Variants in ZFP64 observed in about 807,000 individuals in gnomAD.
ZFP64 encodes ZFP64 zinc finger protein.
ZFP64 carries 14 observed loss-of-function variants against 51.6 expected under a neutral mutation model. That is an observed-to-expected ratio of 0.27 (90% confidence interval 0.18 to 0.42). ZFP64 has a LOEUF of 0.42. Ranked by LOEUF, ZFP64 falls within the 10% of genes least tolerant of loss-of-function variation. The probability of loss-of-function intolerance (pLI) is 1.00; values close to 1 mark genes in which losing one functional copy is unlikely to be tolerated. For missense variants in ZFP64, 754 were observed against 906.8 expected, an observed-to-expected ratio of 0.83 and a Z score of 2.16; for synonymous variants, 375 against 361.4, an observed-to-expected ratio of 1.04 and a Z score of -0.43.
At chr20:52,104,275 G>A (rs926410769) in intron 5 of ZFP64, among the ~76,000 whole-genome samples, 3 of 152,210 alleles carry the variant, frequency 2.0e-5, no homozygotes, top group Non-Finnish European at 2.9e-5. Context: ...CTTGCAGGAA[G>A]AATTTGGCGA....
At chr20:52,150,581 T>C (rs1980744655), downstream of ZFP64, among the ~76,000 whole-genome samples, 1 of 152,236 alleles carries the variant, frequency 6.6e-6, no homozygotes, top group African/African-American at 2.4e-5. Context: ...ACTATTATCA[T>C]TGATGATAGG....
intron 5 of ZFP64, among the ~76,000 whole-genome samples, chr20:52,132,500 T>C (rs1979770209): frequency 6.6e-6 from 1 of 151,478 alleles, no homozygotes; most frequent in South Asian, 2.1e-4. Context: ...TACAAATAAA[T>C]AAAATCGGAA....
intron 5 of ZFP64, among the ~76,000 whole-genome samples, chr20:52,115,790 T>C (rs1415286682): frequency 7.0e-6 from 1 of 143,382 alleles, no homozygotes; most frequent in Non-Finnish European, 1.6e-5. Context: ...AATTTCTCTC[T>C]CTCTCTCTCT....
chr20:52,084,311 T>C (rs2123189673), exon 9 of ZFP64: 7 of 517,358 alleles, frequency 1.4e-5, no homozygotes, highest in Non-Finnish European at 2.4e-5. Context: ...CGCCTTTGAA[T>C]GAACAAGTCG....
intron 5 of ZFP64, chr20:52,105,478 T>C (rs952291118): frequency 9.2e-6 from 6 of 655,526 alleles, no homozygotes; most frequent in South Asian, 8.0e-5. Flanking sequence ...GGGAGCTCGT[T>C]AGAAATGCAG....
chr20:52,152,037 AAAAAC>A lies in ZFP64; in HGVS notation c.*104_*108del. 5 of 1,462,606 alleles carry A rather than the reference AAAAAC, an allele frequency of 3.4e-6. No individual in the cohort carries two copies. Among genetic ancestry groups the A allele is most frequent in the South Asian group, 2.9e-5 (2 of 68,654 alleles). The allele number at this position is 1,462,606 out of a possible 1,614,324, so 90.6% of individuals were successfully genotyped here. A position where few individuals can be genotyped will look rare whatever the true frequency, so the allele number is the denominator to read the frequency against. ...GGGAAACAGAGCGAGACTCCGTCTC[AAAAAC>A]AAAACAAAACAAAGAAAACATTAAG... On this transcript the variant is annotated 3_prime_UTR_variant, in exon 6 of 6. Transcript: ENST00000216923.
intron 5 of ZFP64, chr20:52,104,878 G>A (rs1057191802): frequency 6.0e-6 from 4 of 670,542 alleles, no homozygotes; most frequent in African/African-American, 1.8e-5. Flanking sequence ...GTGTTTGGGA[G>A]GCAAACTCGT....
At chr20:52,106,988 C>T (rs1260088265) in intron 5 of ZFP64, among the ~76,000 whole-genome samples, 1 of 152,194 alleles carries the variant, frequency 6.6e-6, no homozygotes, top group Non-Finnish European at 1.5e-5. Flanking sequence ...ATCCCAGCTC[C>T]TGGGGAAGCT....
intron 2 of ZFP64, among the ~76,000 whole-genome samples, chr20:52,186,113 A>G (rs562421588): frequency 6.6e-6 from 1 of 152,304 alleles, no homozygotes; most frequent in African/African-American, 2.4e-5. Flanking sequence ...TATATTTTTT[A>G]GAATCAAATG....
intron 5 of ZFP64, among the ~76,000 whole-genome samples, chr20:52,111,631 C>T (rs955301222): frequency 2.6e-5 from 4 of 152,050 alleles, no homozygotes; most frequent in Admixed American, 6.6e-5. Context: ...GTAATTCTCG[C>T]AACTCTTAAG....
rs1022620572 is a variant in ZFP64, at chr20:52,162,556, G to A, written c.511+2139C>T. Among the ~76,000 whole-genome samples the A allele has an allele frequency of 5.3e-5, 8 of 151,960 alleles. No individual in the cohort carries two copies. In the South Asian group the frequency reaches 8.3e-4, roughly 16 times the overall value. Reference sequence around the variant, plus strand: ...GCAGGAGAATGATATGAACCCGGGAGGCAGAGCTTGCAGTGAACCAAGATC... The same window carrying A: ...GCAGGAGAATGATATGAACCCGGGAAGCAGAGCTTGCAGTGAACCAAGATC... On this transcript the variant is annotated intron_variant, in intron 4 of 5. Transcript: ENST00000216923.
chr20:52,182,572 G>T (rs1391727501), intron 2 of ZFP64, among the ~76,000 whole-genome samples: 1 of 152,096 alleles, frequency 6.6e-6, no homozygotes, highest in Non-Finnish European at 1.5e-5. Flanking sequence ...TTTAAAAATT[G>T]GCTGGATATG....
chr20:52,141,445 C>A (rs1337874377), intron 5 of ZFP64, among the ~76,000 whole-genome samples: 2 of 152,086 alleles, frequency 1.3e-5, no homozygotes, highest in African/African-American at 4.8e-5. Flanking sequence ...GGGGGGAGGT[C>A]AAAATATCAA....
In ZFP64 at chr20:52,160,965, G is replaced by GGCAGGTGAGTGAGTCGGTGAGC. The variant is rs919390806; in HGVS notation, c.512-613_512-592dup. 6.8e-4 allele frequency among the ~76,000 whole-genome samples: 104 copies of GGCAGGTGAGTGAGTCGGTGAGC among 151,898 alleles called. No homozygotes were observed. Among genetic ancestry groups the GGCAGGTGAGTGAGTCGGTGAGC allele is most frequent in the Non-Finnish European group, 1.4e-3 (92 of 67,964 alleles). On this transcript the variant is annotated intron_variant, in intron 4 of 5. Transcript: ENST00000216923. This position sits in a 1 kb window ranked among gnomAD's most constrained non-coding sequence, Gnocchi z 4.2. ...GCATGGGGATAAGGCAGCAGGTGAG[G>GGCAGGTGAGTGAGTCGGTGAGC]GCAGGTGAGTGAGTCGGTGAGCGCA... is the stretch of plus-strand genomic sequence containing the variant.
At position 52,085,337 on chromosome 20, in the gene ZFP64, G is replaced by A; in HGVS notation, c.1229-71C>T. The A allele has an allele frequency of 1.4e-6, 2 of 1,463,010 alleles. No homozygotes were observed. The highest frequency in any genetic ancestry group is 4.8e-5 in the East Asian group (2 of 41,482). 90.6% of individuals were successfully genotyped at this position (1,463,010 alleles called of 1,614,324 possible). ...GACCCTCCCACCCCAACCTGCCTTA[G>A]CACACTTGGCCGCCATGAGATGGTT... On this transcript the variant is annotated intron_variant, in intron 8 of 8. Coordinates refer to the ZFP64 transcript ENST00000361387. The surrounding 1 kb of genome is among the most constrained non-coding windows in gnomAD (Gnocchi z 4.3).
intron 5 of ZFP64, among the ~76,000 whole-genome samples, chr20:52,124,895 T>C (rs62216897): frequency 0.42 from 64,091 of 151,944 alleles, 14,540 homozygotes; most frequent in Admixed American, 0.51. Context: ...TGAGCCACCA[T>C]GCCCGGCCTA....
intron 2 of ZFP64, among the ~76,000 whole-genome samples, chr20:52,176,192 C>T (rs557631108): frequency 6.6e-6 from 1 of 152,146 alleles, no homozygotes; most frequent in East Asian, 1.9e-4. Flanking sequence ...TCTCTGGAGC[C>T]CAAGAGTCCG....
chr20:52,084,840 G>A (rs1414431873), exon 9 of ZFP64: 2 of 1,614,062 alleles, frequency 1.2e-6, no homozygotes, highest in African/African-American at 1.3e-5. Context: ...CCGGTTCTCC[G>A]TCTTGGCCTC....
chr20:52,112,753 T>G (rs1393855987), intron 5 of ZFP64, among the ~76,000 whole-genome samples: 1 of 151,940 alleles, frequency 6.6e-6, no homozygotes, highest in Non-Finnish European at 1.5e-5. Flanking sequence ...TGGCTGGGAC[T>G]ACAGGCACAT....
Sources: gnomAD v4.1 joint callset for allele counts (sites outside exome capture counted in the v4.1 genomes callset) on GRCh38, gnomAD v4.1.1 for gene constraint, Gnocchi (gnomAD v3.1) non-coding constraint, MANE v1.5 for transcripts, NCBI Gene and HGNC (gene_info 2026-07-23, HGNC 2026-07-21) for gene names.